CTSO: variants seen among roughly 807,000 people sequenced by gnomAD.
The protein encoded by CTSO is cathepsin O.
Under a neutral mutation model 42.4 loss-of-function variants are expected in CTSO, and 40 were observed. The ratio of observed to expected loss-of-function variants is 0.94; its 90% CI spans 0.73 to 1.23. CTSO has a LOEUF of 1.23. Among genes scored for constraint, CTSO ranks in the 50% most tolerant of loss-of-function variants. The probability of loss-of-function intolerance (pLI) is 0.00; values close to 1 mark genes in which losing one functional copy is unlikely to be tolerated. For missense variants in CTSO, 441 were observed against 396.0 expected, an observed-to-expected ratio of 1.11 and a Z score of -0.96; for synonymous variants, 156 against 146.2, an observed-to-expected ratio of 1.07 and a Z score of -0.48.
chr4:155,928,759 C>T (rs778483527), intron 6 of CTSO, among the ~76,000 whole-genome samples: 8 of 152,144 alleles, frequency 5.3e-5, no homozygotes, highest in Non-Finnish European at 1.0e-4. Context: ...TATGCACTTA[C>T]CTTTTCCCAA....
rs149849479 is a variant in CTSO at position 155,933,107 on chromosome 4, T to A, written c.675-3402A>T. Among the ~76,000 whole-genome samples, 1,078 of 152,122 alleles carry A rather than the reference T, an allele frequency of 7.1e-3. 13 individuals carry two copies. Among genetic ancestry groups the A allele is most frequent in the African/African-American group, 0.024 (991 of 41,502 alleles). ...TGGTGACTGAGATGGTTTGGCTGTG[T>A]CCCCATCCAAGTCTCAAATTGAATT... On this transcript the variant is annotated intron_variant, in intron 5 of 7. Coordinates refer to ENST00000433477, the MANE Select transcript of CTSO (RefSeq NM_001334.3).
At chr4:155,944,873 C>T (rs904563803) in intron 1 of CTSO, among the ~76,000 whole-genome samples, 15 of 150,686 alleles carry the variant, frequency 1.0e-4, no homozygotes, top group African/African-American at 3.4e-4. Flanking sequence ...TTCCTTCACT[C>T]AGGGTCAGAA....
chr4:155,931,737 C>A (rs565303398), intron 5 of CTSO, among the ~76,000 whole-genome samples: 1 of 151,510 alleles, frequency 6.6e-6, no homozygotes, highest in Non-Finnish European at 1.5e-5. Flanking sequence ...ATTCATTTCA[C>A]AGATTAATAA....
At chr4:155,937,546 A>T in intron 4 of CTSO, 63 bp from the exon 5 acceptor site, 1 of 1,510,042 alleles carries the variant, frequency 6.6e-7, no homozygotes, top group Non-Finnish European at 9.2e-7. Context: ...AATAGAACTT[A>T]CTTCACTGTG....
At chr4:155,936,607 A>G (rs1040754329) in intron 5 of CTSO, among the ~76,000 whole-genome samples, 4 of 152,170 alleles carry the variant, frequency 2.6e-5, no homozygotes, top group Non-Finnish European at 4.4e-5. Flanking sequence ...TTTGCACTCT[A>G]TCAAATGGTC....
intron 1 of CTSO, among the ~76,000 whole-genome samples, chr4:155,944,340 T>A (rs1385257158): frequency 1.3e-5 from 2 of 152,222 alleles, no homozygotes; most frequent in African/African-American, 4.8e-5. Flanking sequence ...AATAAAGTTT[T>A]TGAGGTACTT....
intron 7 of CTSO, among the ~76,000 whole-genome samples, chr4:155,926,893 T>C (rs1174874532): frequency 6.6e-6 from 1 of 152,194 alleles, no homozygotes; most frequent in Non-Finnish European, 1.5e-5. Context: ...TGTAAGAGAT[T>C]TGAAAGCAGT....
chr4:155,953,579 G>C (rs1275123296), intron 1 of CTSO, 134 bp downstream of exon 1: 4 of 1,109,896 alleles, frequency 3.6e-6, no homozygotes, highest in Middle Eastern at 3.1e-4. Flanking sequence ...CCGCAGCTCA[G>C]GGCCCCAGAC....
intron 4 of CTSO, 95 bp from the exon 5 acceptor site, chr4:155,937,578 A>G (rs1232354680): frequency 2.6e-6 from 3 of 1,133,232 alleles, no homozygotes; most frequent in East Asian, 2.4e-5. Context: ...TCAATTTCAC[A>G]CACCTTCATC....
At chr4:155,948,627 T>C (rs74630327) in intron 1 of CTSO, among the ~76,000 whole-genome samples, 10,503 of 152,168 alleles carry the variant, frequency 0.069, 505 homozygotes, top group South Asian at 0.17. Flanking sequence ...AGGATAACTC[T>C]ATTGACAAGA....
At chr4:155,945,465 G>T (rs567206995) in intron 1 of CTSO, among the ~76,000 whole-genome samples, 1 of 152,168 alleles carries the variant, frequency 6.6e-6, no homozygotes, top group East Asian at 1.9e-4. Context: ...AAGATGAAAG[G>T]AGAAATAGAA....
intron 4 of CTSO, among the ~76,000 whole-genome samples, chr4:155,938,335 A>C (rs1406168758): frequency 6.6e-6 from 1 of 152,252 alleles, no homozygotes; most frequent in African/African-American, 2.4e-5. Flanking sequence ...TGTACAGAGC[A>C]GGTCCTGGAA....
intron 1 of CTSO, among the ~76,000 whole-genome samples, chr4:155,947,307 G>T (rs1579349002): frequency 6.6e-6 from 1 of 152,174 alleles, no homozygotes; most frequent in East Asian, 1.9e-4. Context: ...ATAATAATTG[G>T]AAAACACTTA....
rs886740332 is a variant in CTSO, at chr4:155,929,816, G to A, written c.675-111C>T. The stretch of plus-strand genomic sequence containing the variant: ...AGTAGGTTTGGTTGCAGTTACAAAG[G>A]ACCTAAACAATGGAAGCTAAGTCTG... On this transcript the variant is annotated intron_variant, in intron 5 of 7. Transcript: ENST00000433477. The A allele has an allele frequency of 5.5e-5, 55 of 996,836 alleles. No individual in the cohort carries two copies. In the African/African-American group the frequency reaches 7.8e-4, roughly 14 times the overall value. 61.7% of individuals were successfully genotyped at this position (996,836 alleles called of 1,614,324 possible). A position where few individuals can be genotyped will look rare whatever the true frequency, so the allele number is the denominator to read the frequency against.
chr4:155,928,423 T>C lies in CTSO; in HGVS notation c.844A>G (p.Thr282Ala). 1.2e-6 allele frequency: 2 copies of C among 1,605,774 alleles called. No homozygotes were observed. Among genetic ancestry groups the C allele is most frequent in the Non-Finnish European group, 1.7e-6 (2 of 1,175,230 alleles). The change falls in exon 7 of 8, where the codon ACT becomes GCT. Residue 282 changes from threonine to alanine, a missense_variant. By Grantham distance (58) the Thr-to-Ala change is moderately conservative. Transcript: ENST00000433477. ...LITGFDKTGS[T>A]PYWIVRNSWG... ...GAATTCCGCACAATCCAATATGGAG[T>C]GCTTCCTACAGTGAAACATAAATAG...
Position 155,924,671 on chromosome 4 carries a change from G to A in CTSO, c.*1365C>T, listed in dbSNP as rs1419381511. 1 of 152,078 alleles carries A rather than the reference G, an allele frequency of 6.6e-6. No individual in the cohort carries two copies. 9.4% of individuals were successfully genotyped at this position (152,078 alleles called of 1,614,324 possible). ...TTCTTGTATTGATTCATTTAATATGGTTGTGCTTATATTCAATCAGAAGGT... is the reference window on the plus strand; with the variant it reads ...TTCTTGTATTGATTCATTTAATATGATTGTGCTTATATTCAATCAGAAGGT... On this transcript the variant is annotated 3_prime_UTR_variant, in exon 8 of 8. Coordinates refer to ENST00000433477, the MANE Select transcript of CTSO (RefSeq NM_001334.3).
At position 155,925,824 on chromosome 4, in the gene CTSO, G is replaced by C. The variant is rs1005139884; in HGVS notation, c.*212C>G. On this transcript the variant is annotated 3_prime_UTR_variant, in exon 8 of 8. Transcript: ENST00000433477. Reference sequence around the variant, plus strand: ...AACTATTCCATAGGCTTCCTCGCAGGCTTCTGTGCTGGAGTTTGTCCCACT... The same window carrying C: ...AACTATTCCATAGGCTTCCTCGCAGCCTTCTGTGCTGGAGTTTGTCCCACT... 71 of 513,294 alleles carry C rather than the reference G, an allele frequency of 1.4e-4. No homozygotes were observed. The highest frequency in any genetic ancestry group is 3.4e-5 in the Non-Finnish European group (10 of 295,888). 31.8% of individuals were successfully genotyped at this position (513,294 alleles called of 1,614,324 possible).
At chr4:155,935,839 A>G (rs1465056448) in intron 5 of CTSO, among the ~76,000 whole-genome samples, 1 of 152,216 alleles carries the variant, frequency 6.6e-6, no homozygotes. Flanking sequence ...TCAGTTTAGC[A>G]TTGCACTGTT....
chr4:155,950,409 G>A (rs1306991357), intron 1 of CTSO, among the ~76,000 whole-genome samples: 1 of 152,158 alleles, frequency 6.6e-6, no homozygotes, highest in Non-Finnish European at 1.5e-5. Context: ...TAAAGTATTG[G>A]ATAAATGTAT....
Sources: allele counts gnomAD v4.1 joint callset (sites outside exome capture counted in the v4.1 genomes callset), GRCh38; gene constraint gnomAD v4.1.1; transcripts MANE v1.5; gene names NCBI Gene and HGNC (gene_info 2026-07-23, HGNC 2026-07-21).